PARN: variants seen among roughly 807,000 people sequenced by gnomAD.
PARN encodes the protein poly(A)-specific ribonuclease, also known as poly(A)-specific ribonuclease PARN.
A neutral mutation model predicts 102.8 loss-of-function variants in PARN; 71 were observed. The ratio of observed to expected loss-of-function variants is 0.69; its 90% confidence interval spans 0.57 to 0.84. PARN has a LOEUF of 0.84. Among genes scored for constraint, PARN ranks in the 40% least tolerant of loss-of-function variants. PARN has a pLI of 0.00. For missense variants in PARN, 782 were observed against 760.9 expected (o/e 1.03, Z -0.33); for synonymous variants, 261 against 252.9 (o/e 1.03, Z -0.30).
chr16:14,445,589 T>C (rs1177277457), intron 23 of PARN, among the ~76,000 whole-genome samples: 1 of 152,202 alleles, frequency 6.6e-6, no homozygotes, highest in African/African-American at 2.4e-5. Context: ...TAAGACAGGG[T>C]GTCACTCTGT....
chr16:14,450,364 A>G (rs901882062), intron 22 of PARN, among the ~76,000 whole-genome samples: 1 of 152,232 alleles, frequency 6.6e-6, no homozygotes, highest in Non-Finnish European at 1.5e-5. Context: ...TGGGTAAATC[A>G]GTAAATGTGC....
chr16:14,580,542 C>T (rs970787875), intron 18 of PARN, among the ~76,000 whole-genome samples: 1 of 152,176 alleles, frequency 6.6e-6, no homozygotes, highest in African/African-American at 2.4e-5. Context: ...CCACCTCAGC[C>T]TCCCAAAGTG....
rs550889785 is a variant in PARN at position 14,490,652 on chromosome 16, C to G, written c.1481-7825G>C. On this transcript the variant is annotated intron_variant, in intron 21 of 23. Transcript: ENST00000437198. The stretch of plus-strand genomic sequence containing the variant: ...CCCTTTAAGATGGCCTCTCCTTATT[C>G]CCCTCAGAGCACCCACCAGCGTGAG... 1.7e-3 allele frequency among the ~76,000 whole-genome samples: 259 copies of G among 152,266 alleles called. 2 individuals are homozygous for G. Among genetic ancestry groups the G allele is most frequent in the African/African-American group, 5.9e-3 (245 of 41,538 alleles).
intron 21 of PARN, among the ~76,000 whole-genome samples, chr16:14,485,732 C>A (rs1014282997): frequency 6.6e-6 from 1 of 151,934 alleles, no homozygotes; most frequent in African/African-American, 2.4e-5. Flanking sequence ...CTGCCGCCTA[C>A]GCTGGAGTAT....
chr16:14,602,597 T>A (rs964765896), intron 11 of PARN, among the ~76,000 whole-genome samples: 3 of 152,108 alleles, frequency 2.0e-5, no homozygotes. Context: ...CTTGCATGTA[T>A]CAAAACGGGC....
chr16:14,556,768 T>C (rs930269091), intron 18 of PARN, among the ~76,000 whole-genome samples: 1 of 152,202 alleles, frequency 6.6e-6, no homozygotes, highest in Non-Finnish European at 1.5e-5. Context: ...TGGGCATTTG[T>C]GAGCTGAGAA....
chr16:14,480,005 G>A lies in PARN; in HGVS notation c.1670+2633C>T, dbSNP rs534595840. On this transcript the variant is annotated intron_variant, in intron 22 of 23. Coordinates refer to ENST00000437198, the MANE Select transcript of PARN (RefSeq NM_002582.4). ...AGGAGGGGATTCACTAACAATAAAC[G>A]GGAAAAAACTTAATAAACAAGACTT... 4.6e-5 allele frequency among the ~76,000 whole-genome samples: 7 copies of A among 151,604 alleles called. 1 individual carries two copies. The highest frequency in any genetic ancestry group is 1.2e-4 in the African/African-American group (5 of 41,398).
Position 14,577,701 on chromosome 16 carries a change from C to G in PARN, c.1262+3173G>C, listed in dbSNP as rs369534131. On this transcript the variant is annotated intron_variant, in intron 18 of 23. Transcript: ENST00000437198. ...TTTATTTTTGAGATAGAGTCTCACT[C>G]TTGTTGCCCAGGCTGGAATGCAGTG... Among the ~76,000 whole-genome samples, 21 of 152,180 alleles carry G rather than the reference C, an allele frequency of 1.4e-4. No individual in the cohort carries two copies. The South Asian group carries it at 4.4e-3, about 32-fold the overall frequency.
chr16:14,564,689 A>G (rs544314937), intron 18 of PARN, among the ~76,000 whole-genome samples: 2 of 152,282 alleles, frequency 1.3e-5, no homozygotes, highest in East Asian at 1.9e-4. Flanking sequence ...AATAAAGAAG[A>G]ACAGAGTTTA....
chr16:14,525,622 A>G (rs1043910902), intron 21 of PARN, among the ~76,000 whole-genome samples: 2 of 151,766 alleles, frequency 1.3e-5, no homozygotes, highest in South Asian at 2.1e-4. Flanking sequence ...CTTCATTATC[A>G]CCTACCTGCA....
chr16:14,456,344 T>A (rs1961678348), intron 22 of PARN, among the ~76,000 whole-genome samples: 1 of 151,882 alleles, frequency 6.6e-6, no homozygotes, highest in Admixed American at 6.6e-5. Context: ...TAATTTTTAA[T>A]TTTTTTGTAA....
At chr16:14,605,125 G>A (rs771776571) in intron 10 of PARN, among the ~76,000 whole-genome samples, 32 of 151,602 alleles carry the variant, frequency 2.1e-4, no homozygotes, top group Non-Finnish European at 5.9e-5. Context: ...TATATTTTTA[G>A]TAGAGACGGA....
chr16:14,571,761 A>G (rs1186211538), intron 18 of PARN, among the ~76,000 whole-genome samples: 1 of 152,160 alleles, frequency 6.6e-6, no homozygotes, highest in Non-Finnish European at 1.5e-5. Flanking sequence ...CAACAACCCT[A>G]TCAAACAGGT....
At chr16:14,500,113 T>C (rs895427812) in intron 21 of PARN, among the ~76,000 whole-genome samples, 10 of 152,290 alleles carry the variant, frequency 6.6e-5, no homozygotes, top group Non-Finnish European at 1.3e-4. Context: ...TGGAGTGTAG[T>C]AGCACAACCA....
At chr16:14,538,783 T>C (rs1380388076) in intron 21 of PARN, among the ~76,000 whole-genome samples, 5 of 152,284 alleles carry the variant, frequency 3.3e-5, no homozygotes, top group Non-Finnish European at 5.9e-5. Flanking sequence ...GCAGGTGAGC[T>C]AGCAAAGCTT....
At chr16:14,616,454 G>T (rs567211937) in intron 6 of PARN, among the ~76,000 whole-genome samples, 1 of 152,202 alleles carries the variant, frequency 6.6e-6, no homozygotes. Flanking sequence ...TACTAAAAAA[G>T]CAACAGGTAG....
chr16:14,597,493 G>A (rs1047710417), intron 12 of PARN, among the ~76,000 whole-genome samples: 4 of 152,052 alleles, frequency 2.6e-5, no homozygotes, highest in East Asian at 3.9e-4. Flanking sequence ...TCAGGAGACC[G>A]AGACCATCCT....
rs545685815 is a variant in PARN at position 14,592,934 on chromosome 16, G to C, written c.918+367C>G. On this transcript the variant is annotated intron_variant, in intron 13 of 23. Coordinates refer to ENST00000437198, the MANE Select transcript of PARN (RefSeq NM_002582.4). ...AGGCGGATCACGAGGTCAGGAGTTC[G>C]AGAACAACCTGGCCAATATGGTGAA... is the stretch of plus-strand genomic sequence containing the variant. Among the ~76,000 whole-genome samples the C allele has an allele frequency of 4.5e-4, 68 of 152,214 alleles. 2 individuals are homozygous for C. The highest frequency in any genetic ancestry group is 1.2e-4 in the Non-Finnish European group (8 of 68,016).
intron 10 of PARN, 80 bp from the exon 11 acceptor site, chr16:14,604,306 G>A (rs1460418976): frequency 4.6e-6 from 4 of 871,598 alleles, no homozygotes; most frequent in Non-Finnish European, 7.3e-6. Flanking sequence ...TGTTGCTCAG[G>A]CTGGAGTGCA....
Sources: allele counts gnomAD v4.1 joint callset (sites outside exome capture counted in the v4.1 genomes callset), GRCh38; gene constraint gnomAD v4.1.1; transcripts MANE v1.5; gene names NCBI Gene and HGNC (gene_info 2026-07-23, HGNC 2026-07-21).